Variants in MACROD2 observed in about 807,000 individuals in gnomAD.
The protein encoded by MACROD2 is mono-ADP ribosylhydrolase 2.
Under a neutral mutation model 70.4 loss-of-function variants are expected in MACROD2, and 36 were observed. The observed-to-expected ratio is 0.51, with a 90% CI of 0.39 to 0.68. The LOEUF (loss-of-function observed/expected upper bound fraction) is 0.68. Among genes scored for constraint, MACROD2 ranks in the 30% least tolerant of loss-of-function variants. The pLI is 0.00. For synonymous variants in MACROD2, 172 were observed against 178.8 expected (o/e 0.96, Z 0.30); for missense variants, 496 against 538.4 (o/e 0.92, Z 0.78).
intron 5 of MACROD2, among the ~76,000 whole-genome samples, chr20:14,762,076 G>A (rs535193474): frequency 2.6e-5 from 4 of 152,052 alleles, no homozygotes; most frequent in East Asian, 3.9e-4. Flanking sequence ...TCAGGGCCTC[G>A]GCTGGTTCAC....
At chr20:15,790,424 T>G (rs2063613339) in intron 8 of MACROD2, among the ~76,000 whole-genome samples, 1 of 151,914 alleles carries the variant, frequency 6.6e-6, no homozygotes, top group Admixed American at 6.6e-5. Flanking sequence ...GGTATAGGTA[T>G]TGGTAAGGAA....
At chr20:15,709,225 C>T (rs1225695301) in intron 8 of MACROD2, among the ~76,000 whole-genome samples, 3 of 152,288 alleles carry the variant, frequency 2.0e-5, no homozygotes, top group South Asian at 2.1e-4. Flanking sequence ...GCTGTGGTGG[C>T]CCTGCAGATG....
chr20:15,171,916 A>G (rs1464904559), intron 5 of MACROD2, among the ~76,000 whole-genome samples: 5 of 152,342 alleles, frequency 3.3e-5, no homozygotes, highest in African/African-American at 1.2e-4. Flanking sequence ...CTAGCACAAT[A>G]CCTTGCACAT....
chr20:14,873,256 T>C (rs1404157507), intron 5 of MACROD2, among the ~76,000 whole-genome samples: 1 of 152,128 alleles, frequency 6.6e-6, no homozygotes, highest in African/African-American at 2.4e-5. Context: ...TATACTTACA[T>C]TTATTATTAT....
At chr20:14,548,205 G>A (rs1049405210) in intron 4 of MACROD2, among the ~76,000 whole-genome samples, 3 of 152,130 alleles carry the variant, frequency 2.0e-5, no homozygotes, top group East Asian at 1.9e-4. Flanking sequence ...TTTCTTCAGA[G>A]CAAGGGCTAT....
intron 10 of MACROD2, among the ~76,000 whole-genome samples, chr20:15,891,471 C>T (rs2064888846): frequency 6.6e-6 from 1 of 152,126 alleles, no homozygotes; most frequent in Non-Finnish European, 1.5e-5. Context: ...CTCACACTGG[C>T]TGCTGTGTTG....
At chr20:15,936,161 T>C (rs78935120) in intron 11 of MACROD2, among the ~76,000 whole-genome samples, 2,053 of 150,656 alleles carry the variant, frequency 0.014, 47 homozygotes, top group African/African-American at 0.047. Flanking sequence ...TGTGTGCATA[T>C]GTACTATATA....
At chr20:14,675,770 C>G (rs2070852944) in intron 4 of MACROD2, among the ~76,000 whole-genome samples, 1 of 152,074 alleles carries the variant, frequency 6.6e-6, no homozygotes, top group African/African-American at 2.4e-5. Flanking sequence ...TGGATAGAGT[C>G]AAGACCCTTT....
At chr20:14,377,007 G>A (rs970565121) in intron 3 of MACROD2, among the ~76,000 whole-genome samples, 1 of 152,018 alleles carries the variant, frequency 6.6e-6, no homozygotes, top group Non-Finnish European at 1.5e-5. Context: ...TGGCACATAG[G>A]AGACATCCAG....
intron 6 of MACROD2, among the ~76,000 whole-genome samples, chr20:15,369,351 C>T (rs571327415): frequency 1.6e-4 from 24 of 152,184 alleles, no homozygotes; most frequent in Admixed American, 2.6e-4. Context: ...GGGAAAATAC[C>T]GTTTTGACAG....
chr20:14,866,078 G>A (rs970662840), intron 5 of MACROD2, among the ~76,000 whole-genome samples: 4 of 151,938 alleles, frequency 2.6e-5, no homozygotes, highest in Non-Finnish European at 4.4e-5. Context: ...CAAATGATAG[G>A]CACAAAATGA....
intron 6 of MACROD2, among the ~76,000 whole-genome samples, chr20:15,310,172 C>T (rs1313098123): frequency 1.3e-5 from 2 of 152,124 alleles, no homozygotes; most frequent in African/African-American, 4.8e-5. Context: ...TTATAAGGTG[C>T]CTGGCAGAAA....
intron 6 of MACROD2, among the ~76,000 whole-genome samples, chr20:15,344,712 G>A (rs1451095647): frequency 1.3e-5 from 2 of 152,114 alleles, no homozygotes; most frequent in African/African-American, 2.4e-5. Flanking sequence ...CCATGGCCCT[G>A]CCTTTTCACA....
chr20:15,158,497 A>G (rs1160341298), intron 5 of MACROD2, among the ~76,000 whole-genome samples: 1 of 152,170 alleles, frequency 6.6e-6, no homozygotes, highest in Non-Finnish European at 1.5e-5. Flanking sequence ...AAATTTAGTA[A>G]AAGGCAGGCT....
At chr20:15,291,835 T>G (rs1158025471) in intron 6 of MACROD2, among the ~76,000 whole-genome samples, 1 of 152,184 alleles carries the variant, frequency 6.6e-6, no homozygotes, top group Non-Finnish European at 1.5e-5. Flanking sequence ...CATAGTAGAA[T>G]ATCTATGAAT....
chr20:14,498,567 C>G (rs2084882130), intron 4 of MACROD2, among the ~76,000 whole-genome samples: 1 of 152,170 alleles, frequency 6.6e-6, no homozygotes, highest in African/African-American at 2.4e-5. Flanking sequence ...TTCAGATGTT[C>G]CAAGGATTCT....
At chr20:15,192,823 G>A (rs1385205660) in intron 5 of MACROD2, among the ~76,000 whole-genome samples, 4 of 152,162 alleles carry the variant, frequency 2.6e-5, no homozygotes, top group African/African-American at 9.7e-5. Context: ...CAGCTTTGTG[G>A]CCATCTGGGA....
At chr20:15,054,308 GAA>G (rs1216044058) in intron 5 of MACROD2, among the ~76,000 whole-genome samples, 1 of 152,108 alleles carries the variant, frequency 6.6e-6, no homozygotes, top group South Asian at 2.1e-4. Flanking sequence ...AATTTTTTGT[GAA>G]AGAGTCAGTT....
chr20:15,484,447 G>A (rs990679308), intron 7 of MACROD2, among the ~76,000 whole-genome samples: 10 of 152,110 alleles, frequency 6.6e-5, no homozygotes, highest in African/African-American at 1.2e-4. Context: ...GGGGCAAGAG[G>A]GCTAGAGTAA....
Sources: allele counts gnomAD v4.1 joint callset (sites outside exome capture counted in the v4.1 genomes callset), GRCh38; gene constraint gnomAD v4.1.1; transcripts MANE v1.5; gene names NCBI Gene and HGNC (gene_info 2026-07-23, HGNC 2026-07-21).